CDH13: variants seen among roughly 807,000 people sequenced by gnomAD.
The protein encoded by CDH13 is cadherin-13.
CDH13 carries 24 observed loss-of-function variants against 63.8 expected under a neutral mutation model. That is an observed-to-expected ratio of 0.38 (90% CI 0.27 to 0.53). The LOEUF (loss-of-function observed/expected upper bound fraction) is 0.53, where lower values mean the gene tolerates loss of function less well. CDH13 is among the 20% of genes least tolerant of loss of function. The pLI is 0.85. For missense variants in CDH13, 1,049 were observed against 903.1 expected (o/e 1.16, Z -2.07); for synonymous variants, 503 against 355.3 (o/e 1.42, Z -4.67).
intron 5 of CDH13, among the ~76,000 whole-genome samples, chr16:83,295,152 G>T (rs978890000): frequency 6.6e-6 from 1 of 152,012 alleles, no homozygotes; most frequent in Non-Finnish European, 1.5e-5. Flanking sequence ...TCAATAAATG[G>T]CATTTGGGAA....
intron 1 of CDH13, chr16:82,844,662 CAG>C (rs2039179776): frequency 1.6e-5 from 2 of 124,232 alleles, no homozygotes; most frequent in Non-Finnish European, 3.3e-5. Context: ...TTTTTTGAGA[CAG>C]AGTCTCGCTC....
chr16:82,689,529 G>T (rs1292486554), intron 1 of CDH13, among the ~76,000 whole-genome samples: 1 of 152,136 alleles, frequency 6.6e-6, no homozygotes. Flanking sequence ...TTGCCTGAAG[G>T]CTCGAGGATG....
intron 1 of CDH13, among the ~76,000 whole-genome samples, chr16:82,691,557 T>C (rs886597991): frequency 6.6e-6 from 1 of 152,136 alleles, no homozygotes; most frequent in African/African-American, 2.4e-5. Flanking sequence ...ACTTACTACT[T>C]GGGGAGATTG....
intron 4 of CDH13, among the ~76,000 whole-genome samples, chr16:83,170,521 C>T (rs545497742): frequency 6.6e-6 from 1 of 152,222 alleles, no homozygotes; most frequent in South Asian, 2.1e-4. Context: ...CCCAATTCCA[C>T]TCTATCAGCC....
intron 6 of CDH13, among the ~76,000 whole-genome samples, chr16:83,445,674 A>T (rs1473779308): frequency 6.6e-6 from 1 of 152,188 alleles, no homozygotes; most frequent in Non-Finnish European, 1.5e-5. Flanking sequence ...TGCTTTTAGA[A>T]TTCTGAATAG....
chr16:83,326,416 C>T (rs917912227), intron 5 of CDH13, among the ~76,000 whole-genome samples: 3 of 150,206 alleles, frequency 2.0e-5, no homozygotes, highest in African/African-American at 7.4e-5. Context: ...ATGGACACCA[C>T]ACTTGGTGCT....
At chr16:83,412,264 C>A (rs2092139403) in intron 6 of CDH13, among the ~76,000 whole-genome samples, 1 of 152,154 alleles carries the variant, frequency 6.6e-6, no homozygotes, top group African/African-American at 2.4e-5. Flanking sequence ...GAGTTCGAGA[C>A]CAGCTTGGCC....
At chr16:83,209,554 C>T (rs901013645) in intron 4 of CDH13, among the ~76,000 whole-genome samples, 2 of 152,112 alleles carry the variant, frequency 1.3e-5, no homozygotes, top group African/African-American at 4.8e-5. Flanking sequence ...TATGACAGAC[C>T]TTATTTTTAA....
chr16:83,633,593 T>A (rs1352386914), intron 8 of CDH13, among the ~76,000 whole-genome samples: 1 of 152,186 alleles, frequency 6.6e-6, no homozygotes, highest in African/African-American at 2.4e-5. Context: ...TTACTTTGCG[T>A]CTATCATTAT....
chr16:83,332,551 C>G (rs1368844262), intron 5 of CDH13, among the ~76,000 whole-genome samples: 1 of 152,126 alleles, frequency 6.6e-6, no homozygotes, highest in Non-Finnish European at 1.5e-5. Context: ...AATACAATCC[C>G]CAGTAATTTC....
intron 1 of CDH13, among the ~76,000 whole-genome samples, chr16:82,814,012 T>C (rs2037579952): frequency 6.6e-6 from 1 of 152,170 alleles, no homozygotes; most frequent in Non-Finnish European, 1.5e-5. Context: ...TACCGGCTGC[T>C]GTGCTTGGCT....
chr16:83,063,540 C>G (rs889532126), intron 3 of CDH13, among the ~76,000 whole-genome samples: 8 of 152,124 alleles, frequency 5.3e-5, no homozygotes, highest in African/African-American at 1.9e-4. Context: ...TAGAGATGGA[C>G]AGAGATGATT....
chr16:82,745,119 C>T (rs2034102317), intron 1 of CDH13, among the ~76,000 whole-genome samples: 2 of 152,156 alleles, frequency 1.3e-5, no homozygotes. Context: ...ACAAGTTAAT[C>T]TGTGACACTT....
Position 83,381,404 on chromosome 16 carries a change from C to T in CDH13, c.781+36398C>T, listed in dbSNP as rs1313708124. 2.6e-5 allele frequency among the ~76,000 whole-genome samples: 4 copies of T among 152,026 alleles called. No homozygotes were observed. The East Asian group carries it at 7.7e-4, about 29-fold the overall frequency. On this transcript the variant is annotated intron_variant, in intron 6 of 13. Transcript: ENST00000567109. ...AGTTCCAAACCTCTCTGACTTAAGC[C>T]AACAGTGACTTTCAGTGTTGTGCGT... is the stretch of plus-strand genomic sequence containing the variant.
intron 3 of CDH13, among the ~76,000 whole-genome samples, chr16:83,041,439 G>A (rs1339100620): frequency 6.6e-6 from 1 of 152,020 alleles, no homozygotes; most frequent in Non-Finnish European, 1.5e-5. Context: ...GGAGCCACTT[G>A]GGAGAAACAG....
intron 7 of CDH13, among the ~76,000 whole-genome samples, chr16:83,493,489 T>C (rs934913405): frequency 2.0e-5 from 3 of 152,294 alleles, no homozygotes; most frequent in Non-Finnish European, 4.4e-5. Context: ...AGCACACGCA[T>C]GCAAAGATGT....
chr16:82,994,389 C>A (rs1597374879), intron 2 of CDH13, among the ~76,000 whole-genome samples: 1 of 152,126 alleles, frequency 6.6e-6, no homozygotes, highest in Non-Finnish European at 1.5e-5. Context: ...CAGCGGGGTG[C>A]CTGAGACCCC....
chr16:83,786,377 C>T (rs1341407912), intron 13 of CDH13, among the ~76,000 whole-genome samples: 4 of 151,962 alleles, frequency 2.6e-5, no homozygotes, highest in African/African-American at 9.7e-5. Flanking sequence ...TTTCAAACTA[C>T]GAATTCCTGA....
At chr16:83,064,058 C>G (rs371187865) in intron 3 of CDH13, among the ~76,000 whole-genome samples, 2 of 152,104 alleles carry the variant, frequency 1.3e-5, no homozygotes, top group African/African-American at 4.8e-5. Context: ...AAAATATACA[C>G]TCTGGATTTA....
Sources: allele counts gnomAD v4.1 joint callset (sites outside exome capture counted in the v4.1 genomes callset), GRCh38; gene constraint gnomAD v4.1.1; transcripts MANE v1.5; gene names NCBI Gene and HGNC (gene_info 2026-07-23, HGNC 2026-07-21).